DNAJC3: variants seen among roughly 807,000 people sequenced by gnomAD.
DNAJC3 encodes DnaJ heat shock protein family (Hsp40) member C3, also known as dnaJ homolog subfamily C member 3.
DNAJC3 carries 38 observed loss-of-function variants against 68.6 expected under a neutral mutation model. The ratio of observed to expected loss-of-function variants is 0.55; its 90% CI spans 0.43 to 0.73. The LOEUF is 0.73. DNAJC3 is among the 30% of genes least tolerant of loss of function. DNAJC3 has a pLI of 0.00. For synonymous variants in DNAJC3, 203 were observed against 204.0 expected, an observed-to-expected ratio of 1.00 and a Z score of 0.04; for missense variants, 526 against 591.9, an observed-to-expected ratio of 0.89 and a Z score of 1.16.
intron 1 of DNAJC3, among the ~76,000 whole-genome samples, chr13:95,689,238 T>G (rs1880160811): frequency 6.6e-6 from 1 of 151,928 alleles, no homozygotes; most frequent in Non-Finnish European, 1.5e-5. Context: ...CTTTTTTTTT[T>G]TTCCTGGAAG....
Position 95,760,237 on chromosome 13 carries a change from A to G in DNAJC3, c.728+16A>G. ...TGTCCCTCAGGTCAGTTCTAGTGAC[A>G]CACATGTCTGATCTTTTTTAATTGT... On this transcript the variant is annotated intron_variant, in intron 6 of 11. Transcript: ENST00000602402. 1 of 1,506,246 alleles carries G rather than the reference A, an allele frequency of 6.6e-7. No individual in the cohort carries two copies. Among genetic ancestry groups the G allele is most frequent in the East Asian group, 2.3e-5 (1 of 42,996 alleles). The allele number at this position is 1,506,246 out of a possible 1,614,324, so 93.3% of individuals were successfully genotyped here.
At chr13:95,689,284 A>G (rs1880164635) in intron 1 of DNAJC3, among the ~76,000 whole-genome samples, 1 of 145,410 alleles carries the variant, frequency 6.9e-6, no homozygotes, top group Non-Finnish European at 1.5e-5. Context: ...ATTGCTCATT[A>G]TTGGTCTATT....
At chr13:95,780,334 T>C (rs748397860) in intron 9 of DNAJC3, among the ~76,000 whole-genome samples, 2 of 152,200 alleles carry the variant, frequency 1.3e-5, no homozygotes, top group Non-Finnish European at 2.9e-5. Context: ...TGTATTCTCT[T>C]CTTTACCTCT....
intron 4 of DNAJC3, among the ~76,000 whole-genome samples, chr13:95,747,020 G>A (rs990443521): frequency 1.3e-5 from 2 of 152,096 alleles, no homozygotes; most frequent in African/African-American, 4.8e-5. Context: ...GGCTTACGTG[G>A]ATAATATTTA....
intron 4 of DNAJC3, among the ~76,000 whole-genome samples, chr13:95,741,938 C>T (rs1159833016): frequency 1.3e-5 from 2 of 152,152 alleles, no homozygotes; most frequent in African/African-American, 2.4e-5. Context: ...TCAGGCCCTT[C>T]CAGTGATGTG....
chr13:95,697,638 A>G (rs1481552514), intron 1 of DNAJC3, among the ~76,000 whole-genome samples: 1 of 151,850 alleles, frequency 6.6e-6, no homozygotes, highest in Non-Finnish European at 1.5e-5. Context: ...CTTTTCCTTC[A>G]CAATGCCTGT....
intron 4 of DNAJC3, among the ~76,000 whole-genome samples, chr13:95,756,236 C>T (rs73554923): frequency 0.015 from 2,287 of 152,238 alleles, 61 homozygotes; most frequent in African/African-American, 0.052. Context: ...ATACTCTCTC[C>T]GATGGGGTTT....
Position 95,786,987 on chromosome 13 carries a change from T to C in DNAJC3, c.1209-20T>C. ...TTAGACACTTTTCCACTAATGATTA[T>C]TTATTTTACCACCCCTCAGAAATGC... is the stretch of plus-strand genomic sequence containing the variant. On this transcript the variant is annotated intron_variant, in intron 10 of 11. Transcript: ENST00000602402. 6.3e-7 allele frequency: 1 copy of C among 1,592,546 alleles called. No individual in the cohort carries two copies. The highest frequency in any genetic ancestry group is 8.5e-7 in the Non-Finnish European group (1 of 1,174,484).
rs1880193920 is a variant in DNAJC3, at chr13:95,690,295, G to T, written c.82+12958G>T. ...CAGCACATGTTTCAGAGAGCACAGG[G>T]TTGGGGGTAAGGTCACAGATCAACA... On this transcript the variant is annotated intron_variant, in intron 1 of 11. Coordinates refer to ENST00000602402, the MANE Select transcript of DNAJC3 (RefSeq NM_006260.5). Among the ~76,000 whole-genome samples the T allele has an allele frequency of 3.3e-5, 5 of 151,988 alleles. No homozygotes were observed. The South Asian group carries it at 1.0e-3, about 31-fold the overall frequency.
rs551565428 is a variant in DNAJC3 at position 95,697,465 on chromosome 13, T to C, written c.83-11762T>C. Among the ~76,000 whole-genome samples the C allele has an allele frequency of 3.3e-5, 5 of 152,350 alleles. No individual in the cohort carries two copies. In the East Asian group the frequency reaches 7.7e-4, roughly 24 times the overall value. On this transcript the variant is annotated intron_variant, in intron 1 of 11. Coordinates refer to ENST00000602402, the MANE Select transcript of DNAJC3 (RefSeq NM_006260.5). ...CTGTCTAACTGCTTTTAAGATTCGC[T>C]GATAGTCTGATGACTACATTCCTTG...
chr13:95,741,464 CA>C (rs1402654354), intron 4 of DNAJC3, among the ~76,000 whole-genome samples: 1 of 152,146 alleles, frequency 6.6e-6, no homozygotes, highest in Non-Finnish European at 1.5e-5. Flanking sequence ...AATAACAGGC[CA>C]AACATGCCTA....
chr13:95,680,110 T>C (rs1466998682), intron 1 of DNAJC3, among the ~76,000 whole-genome samples: 1 of 152,212 alleles, frequency 6.6e-6, no homozygotes, highest in East Asian at 1.9e-4. Context: ...ACTTTAGTAG[T>C]ATCTGCTTTA....
At chr13:95,760,262 T>C (rs769433097) in intron 6 of DNAJC3, 41 bp downstream of exon 6, 1 of 1,441,228 alleles carries the variant, frequency 6.9e-7, no homozygotes, top group Non-Finnish European at 9.2e-7. Context: ...TTTTTAATTG[T>C]TGGCAGTAAG....
chr13:95,697,068 G>A (rs1880461657), intron 1 of DNAJC3, among the ~76,000 whole-genome samples: 2 of 152,178 alleles, frequency 1.3e-5, no homozygotes, highest in African/African-American at 4.8e-5. Flanking sequence ...TTATAGTGTT[G>A]TTAGCTAGTT....
At chr13:95,707,168 T>C (rs552271010) in intron 1 of DNAJC3, among the ~76,000 whole-genome samples, 1 of 152,310 alleles carries the variant, frequency 6.6e-6, no homozygotes, top group Non-Finnish European at 1.5e-5. Flanking sequence ...ATAGGGTTTG[T>C]GCTCCTGTGA....
chr13:95,738,033 C>T (rs1338228689), intron 4 of DNAJC3, among the ~76,000 whole-genome samples: 13 of 140,514 alleles, frequency 9.3e-5, no homozygotes, highest in Admixed American at 4.3e-4. Flanking sequence ...TCTTTGTTCT[C>T]GTTGGTTTCA....
At chr13:95,712,185 C>A (rs1880992260) in intron 2 of DNAJC3, among the ~76,000 whole-genome samples, 1 of 151,900 alleles carries the variant, frequency 6.6e-6, no homozygotes, top group African/African-American at 2.4e-5. Flanking sequence ...GAAAAAGCAC[C>A]TTTTAAACAG....
At chr13:95,780,221 C>T (rs1261773862) in intron 9 of DNAJC3, among the ~76,000 whole-genome samples, 1 of 152,206 alleles carries the variant, frequency 6.6e-6, no homozygotes, top group Non-Finnish European at 1.5e-5. Flanking sequence ...GTACCCCATT[C>T]CTTTGCTACA....
intron 4 of DNAJC3, among the ~76,000 whole-genome samples, chr13:95,726,690 G>A (rs953283944): frequency 6.6e-6 from 1 of 152,032 alleles, no homozygotes; most frequent in Non-Finnish European, 1.5e-5. Flanking sequence ...GTCTTTTTAT[G>A]CCCTCATTAG....
Sources: gnomAD v4.1 joint callset for allele counts (sites outside exome capture counted in the v4.1 genomes callset) on GRCh38, gnomAD v4.1.1 for gene constraint, MANE v1.5 for transcripts, NCBI Gene and HGNC (gene_info 2026-07-23, HGNC 2026-07-21) for gene names.